Variants in C3 observed in about 807,000 individuals in gnomAD.
The protein encoded by C3 is complement C3.
C3 carries 97 observed loss-of-function variants against 207.9 expected under a neutral mutation model. That is an observed-to-expected ratio of 0.47 (90% CI 0.40 to 0.55). The LOEUF (loss-of-function observed/expected upper bound fraction) is 0.55, where lower values mean the gene tolerates loss of function less well. Ranked by LOEUF, C3 falls within the 20% of genes least tolerant of loss-of-function variation. The probability of loss-of-function intolerance (pLI) is 0.00; values close to 1 mark genes in which losing one functional copy is unlikely to be tolerated. For missense variants in C3, 1,684 were observed against 2,171.7 expected, an observed-to-expected ratio of 0.78 and a Z score of 4.46; for synonymous variants, 848 against 857.6, an observed-to-expected ratio of 0.99 and a Z score of 0.20.
chr19:6,696,552 C>G (rs1260088698), intron 22 of C3, 41 bp downstream of exon 22: 7 of 1,606,700 alleles, frequency 4.4e-6, no homozygotes, highest in Non-Finnish European at 8.5e-7. Context: ...ACCCCCCTTA[C>G]CCTGCCAGCC....
In C3 at chr19:6,700,500, TATATATGTAATATATA is replaced by T. The variant is rs1343555506; in HGVS notation, c.2440+1611_2440+1626del. Among the ~76,000 whole-genome samples the T allele has an allele frequency of 5.0e-5, 2 of 39,722 alleles. 1 individual carries two copies. The highest frequency in any genetic ancestry group is 7.3e-5 in the Non-Finnish European group (2 of 27,490). 26.1% of individuals were successfully genotyped at this position (39,722 alleles called of 152,430 possible). On this transcript the variant is annotated intron_variant, in intron 19 of 40. Transcript: ENST00000245907. ...ATATAATATATGTAATATGATATAT[TATATATGTAATATATA>T]ATATATGTAATATGATATATTATAT... is the stretch of plus-strand genomic sequence containing the variant.
intron 25 of C3, 60 bp downstream of exon 25, chr19:6,693,352 G>A: frequency 6.6e-7 from 1 of 1,506,918 alleles, no homozygotes; most frequent in South Asian, 1.2e-5. Context: ...CAGGGTCCGG[G>A]CCCTGCTGGG....
intron 39 of C3, 26 bp downstream of exon 39, chr19:6,678,346 A>T (rs1221365607): frequency 1.2e-6 from 2 of 1,614,024 alleles, no homozygotes; most frequent in Non-Finnish European, 8.5e-7. Flanking sequence ...GGGAAGAGCC[A>T]CGGGAGGCAG....
In C3 at chr19:6,714,354, G is replaced by C. The variant is rs767268393; in HGVS notation, c.597C>G (p.Val199=). 3.1e-6 allele frequency: 5 copies of C among 1,613,490 alleles called. No homozygotes were observed. The South Asian group carries it at 5.5e-5, about 18-fold the overall frequency. ...LPLSWDIPEL[V]NMGQWKIRAY... is the part of the protein sequence containing the mutation. ...CCCTCCTCAAGAACCTGACATACTT[G>C]ACGAGTTCCGGAATGTCCCAAGACA... Residue 199 remains valine (V), a splice_region_variant and synonymous_variant, in exon 5 of 41, where the codon GTC becomes GTG. Transcript: ENST00000245907.
intron 4 of C3, among the ~76,000 whole-genome samples, chr19:6,715,660 C>T (rs1292754390): frequency 3.7e-5 from 5 of 136,248 alleles, no homozygotes; most frequent in African/African-American, 1.1e-4. Context: ...CTTGCTCTGT[C>T]GCCCAGGCTG....
At position 6,718,099 on chromosome 19, in the gene C3, T is replaced by A. The variant is rs779750426; in HGVS notation, c.499A>T (p.Ile167Phe). 3.3e-5 allele frequency: 54 copies of A among 1,613,996 alleles called. No individual in the cohort carries two copies. The highest frequency in any genetic ancestry group is 2.4e-4 in the South Asian group (22 of 91,086). ...GGGCCCCCTCTGGCTGGCACCTCAA[T>A]GTTGACCATGACCGTCCGGCCCACG... ...LPVGRTVMVN[I>F]ENPEGIPVKQ... The change falls in exon 4 of 41, where the codon ATT (isoleucine) becomes TTT (phenylalanine). Residue 167 changes from isoleucine to phenylalanine, a missense_variant. Around this residue, in one of 3 missense-constraint regions of C3, gnomAD observed 1,280 missense variants for 1,739.1 expected, o/e 0.74. Coordinates refer to ENST00000245907, the MANE Select transcript of C3 (RefSeq NM_000064.4).
At position 6,686,225 on chromosome 19, in the gene C3, G is replaced by A; in HGVS notation, c.3709C>T (p.Leu1237Phe). 1.2e-6 allele frequency: 2 copies of A among 1,614,176 alleles called. No homozygotes were observed. The highest frequency in any genetic ancestry group is 1.1e-5 in the South Asian group (1 of 91,076). The stretch of plus-strand genomic sequence containing the variant: ...TCTTTTAGCTGCAGTAGGGCCAAGA[G>A]GGCATAGGATGTGGCCTCCACGTTG... ...LYNVEATSYA[L>F]LALLQLKDFD... The change falls in exon 29 of 41, where the codon CTC becomes TTC. Residue 1237 changes from leucine to phenylalanine, a missense_variant. Physicochemically the swap from Leu to Phe is conservative, Grantham distance 22. Transcript: ENST00000245907.
At chr19:6,708,385 TCTTGGCCTCCCAAAGTG>T (rs1361388434) in intron 14 of C3, among the ~76,000 whole-genome samples, 1 of 152,076 alleles carries the variant, frequency 6.6e-6, no homozygotes, top group East Asian at 1.9e-4. Flanking sequence ...GATTCGCCTG[TCTTGGCCTCCCAAAGTG>T]CTTGGCCTCC....
Position 6,713,254 on chromosome 19 carries a change from T to G in C3, c.938A>C (p.Asn313Thr), listed in dbSNP as rs1406559615. ...CCCCACCAGGTCTTCTGCTCGGGGG[T>G]TCTGCACCCCGTCCAGCAGTACCTT... ...SRKVLLDGVQ[N>T]PRAEDLVGKS... Residue 313 changes from asparagine (N) to threonine (T), a missense_variant, in exon 9 of 41, where the codon AAC (asparagine) becomes ACC (threonine). By Grantham distance (65) the Asn-to-Thr change is moderately conservative. Coordinates refer to ENST00000245907, the MANE Select transcript of C3 (RefSeq NM_000064.4). The G allele has an allele frequency of 6.2e-7, 1 of 1,613,374 alleles. No homozygotes were observed. The highest frequency in any genetic ancestry group is 8.5e-7 in the Non-Finnish European group (1 of 1,179,932).
Position 6,697,532 on chromosome 19 carries a change from G to T in C3, c.2608C>A (p.Pro870Thr). ...GTGGTGGCCAGGCTGCAGAAGGCTG[G>T]ATTGTGGAGTAGTTCCACCCTCACC... is the stretch of plus-strand genomic sequence containing the variant. ...LKVRVELLHN[P>T]AFCSLATTKR... Residue 870 changes from proline (P) to threonine (T), a missense_variant, in exon 21 of 41, where the codon CCA becomes ACA. Pro to Thr is a conservative substitution (Grantham distance 38, BLOSUM62 -1). This residue lies in a region of C3 where 1,280 missense variants were observed against 1,739.1 expected (regional missense o/e 0.74). Transcript: ENST00000245907. 1 of 1,613,972 alleles carries T rather than the reference G, an allele frequency of 6.2e-7. No homozygotes were observed. The highest frequency in any genetic ancestry group is 8.5e-7 in the Non-Finnish European group (1 of 1,179,998).
intron 24 of C3, among the ~76,000 whole-genome samples, chr19:6,693,892 C>T (rs997704827): frequency 6.6e-6 from 1 of 151,740 alleles, no homozygotes; most frequent in Non-Finnish European, 1.5e-5. Context: ...TGGGCGTGGC[C>T]TTGAAAAGAG....
intron 37 of C3, 83 bp downstream of exon 37, chr19:6,679,324 T>TG: frequency 1.4e-6 from 2 of 1,423,992 alleles, no homozygotes; most frequent in Non-Finnish European, 2.0e-6. Flanking sequence ...GGTATGGGTC[T>TG]GGGGGTCCCT....
At chr19:6,680,741 G>T (rs1279641164) in intron 35 of C3, among the ~76,000 whole-genome samples, 1 of 152,082 alleles carries the variant, frequency 6.6e-6, no homozygotes, top group Admixed American at 6.6e-5. Flanking sequence ...AGTAGCTATT[G>T]TTACTTAAGC....
At chr19:6,698,004 ATT>A (rs766542957) in intron 19 of C3, among the ~76,000 whole-genome samples, 54,607 of 148,342 alleles carry the variant, frequency 0.37, 10,619 homozygotes, top group Middle Eastern at 0.51. Context: ...TATTATTATT[ATT>A]ATTATTATTA....
rs562308025 is a variant in C3, at chr19:6,697,875, C to T, written c.2441-81G>A. 3.5e-6 allele frequency: 5 copies of T among 1,417,376 alleles called. No individual in the cohort carries two copies. In the African/African-American group the frequency reaches 4.3e-5, roughly 12 times the overall value. The allele number at this position is 1,417,376 out of a possible 1,614,324, so 87.8% of individuals were successfully genotyped here. A position where few individuals can be genotyped will look rare whatever the true frequency, so the allele number is the denominator to read the frequency against. On this transcript the variant is annotated intron_variant, in intron 19 of 40. Coordinates refer to ENST00000245907, the MANE Select transcript of C3 (RefSeq NM_000064.4). ...GGCTCCTGGGTCTCAGCTCTTAGTCCACTCCGCAGGAGCTCTCCCTAACTC... is the reference window on the plus strand; with the variant it reads ...GGCTCCTGGGTCTCAGCTCTTAGTCTACTCCGCAGGAGCTCTCCCTAACTC...
rs139381845 is a variant in C3, at chr19:6,678,419, T to C, written c.4667A>G (p.Asn1556Ser). The change falls in exon 39 of 41, where the codon AAT becomes AGT. Residue 1556 changes from asparagine to serine, a missense_variant. By Grantham distance (46) the Asn-to-Ser change is conservative. Around this residue, in one of 3 missense-constraint regions of C3, gnomAD observed 346 missense variants for 380.1 expected, o/e 0.91. Coordinates refer to ENST00000245907, the MANE Select transcript of C3 (RefSeq NM_000064.4). ...KTRLVKVQLS[N>S]DFDEYIMAIE... is the part of the protein sequence containing the mutation. ...GGCCATGATGTACTCGTCAAAGTCA[T>C]TGGACAGCTGAACCTTGACCAGTCG... 262 of 1,614,006 alleles carry C rather than the reference T, an allele frequency of 1.6e-4. 1 individual carries two copies. Among genetic ancestry groups the C allele is most frequent in the Non-Finnish European group, 2.0e-4 (239 of 1,180,024 alleles).
intron 40 of C3, 36 bp downstream of exon 40, chr19:6,678,116 C>G: frequency 6.2e-7 from 1 of 1,614,012 alleles, no homozygotes; most frequent in African/African-American, 1.3e-5. Context: ...GCGGGGCAGT[C>G]GGGCGGTCGC....
rs759695475 is a variant in C3, at chr19:6,714,120, C to T, written c.683-38G>A. 6 of 1,610,562 alleles carry T rather than the reference C, an allele frequency of 3.7e-6. No individual in the cohort carries two copies. In the African/African-American group the frequency reaches 8.0e-5, roughly 22 times the overall value. On this transcript the variant is annotated intron_variant, in intron 6 of 40. Coordinates refer to ENST00000245907, the MANE Select transcript of C3 (RefSeq NM_000064.4). Reference sequence around the variant, plus strand: ...TGGCGTTGGTGGGGCCGGCGCTGGGCCAGGCGTTCTGGGCACTGACTCCCC... The same window carrying T: ...TGGCGTTGGTGGGGCCGGCGCTGGGTCAGGCGTTCTGGGCACTGACTCCCC...
At chr19:6,685,253 G>A in intron 29 of C3, 107 bp from the exon 30 acceptor site, 1 of 1,031,558 alleles carries the variant, frequency 9.7e-7, no homozygotes, top group Non-Finnish European at 1.5e-6. Flanking sequence ...TCAAAATGTG[G>A]CCTAGAACCT....
Sources: allele counts gnomAD v4.1 joint callset (sites outside exome capture counted in the v4.1 genomes callset), GRCh38; gene constraint gnomAD v4.1.1; regional missense constraint gnomAD v4.1.1; transcripts MANE v1.5; gene names NCBI Gene and HGNC (gene_info 2026-07-23, HGNC 2026-07-21).